The following FRMPD2 variants were observed in gnomAD, a reference collection of about 807,000 sequenced individuals.
FRMPD2 encodes FERM and PDZ domain containing 2.
Under a neutral mutation model 140.1 loss-of-function variants are expected in FRMPD2, and 96 were observed. The observed-to-expected ratio is 0.69, with a 90% CI of 0.58 to 0.81. The LOEUF (loss-of-function observed/expected upper bound fraction) is 0.81. FRMPD2 is among the 40% of genes least tolerant of loss of function. The pLI is 0.00. For synonymous variants in FRMPD2, 449 were observed against 547.6 expected (o/e 0.82, Z 2.52); for missense variants, 1,240 against 1,447.4 (o/e 0.86, Z 2.32).
At chr10:48,210,847 A>G (rs1019696800) in intron 13 of FRMPD2, among the ~76,000 whole-genome samples, 2 of 152,266 alleles carry the variant, frequency 1.3e-5, no homozygotes, top group Non-Finnish European at 2.9e-5. Flanking sequence ...GCAAGAAAAC[A>G]CAGATGGAAT....
intron 1 of FRMPD2, among the ~76,000 whole-genome samples, chr10:48,256,270 C>G (rs938826611): frequency 1.3e-5 from 2 of 151,532 alleles, no homozygotes; most frequent in African/African-American, 4.8e-5. Flanking sequence ...GCTGCCCAGT[C>G]AATCCCCGAG....
chr10:48,222,070 A>G (rs904464424), intron 12 of FRMPD2, among the ~76,000 whole-genome samples: 2 of 151,318 alleles, frequency 1.3e-5, no homozygotes, highest in Admixed American at 1.3e-4. Context: ...GGATGGATGG[A>G]TGGAATGATA....
intron 15 of FRMPD2, among the ~76,000 whole-genome samples, chr10:48,194,623 G>A (rs557144128): frequency 1.3e-5 from 2 of 152,314 alleles, no homozygotes; most frequent in African/African-American, 4.8e-5. Flanking sequence ...AAAGTTAGCA[G>A]AGGAGAGAGA....
At chr10:48,234,501 G>T (rs1314166368) in intron 9 of FRMPD2, among the ~76,000 whole-genome samples, 1 of 152,038 alleles carries the variant, frequency 6.6e-6, no homozygotes, top group Non-Finnish European at 1.5e-5. Context: ...TGTGTACCAA[G>T]AACTCCACTT....
intron 12 of FRMPD2, among the ~76,000 whole-genome samples, chr10:48,221,544 A>T (rs889523312): frequency 1.3e-5 from 2 of 152,226 alleles, no homozygotes; most frequent in Non-Finnish European, 2.9e-5. Context: ...AAACTTATTC[A>T]TGTAACCAAA....
chr10:48,239,056 T>A (rs1840037073), intron 7 of FRMPD2, among the ~76,000 whole-genome samples: 1 of 152,192 alleles, frequency 6.6e-6, no homozygotes, highest in African/African-American at 2.4e-5. Context: ...TCTGCCATTG[T>A]CACGAGAACA....
At chr10:48,246,792 C>A (rs1216749703) in intron 3 of FRMPD2, among the ~76,000 whole-genome samples, 1 of 152,170 alleles carries the variant, frequency 6.6e-6, no homozygotes. Context: ...CCCTCATGGA[C>A]CCATGCCAAA....
At chr10:48,164,152 G>A (rs1249891922) in intron 27 of FRMPD2, among the ~76,000 whole-genome samples, 1 of 150,278 alleles carries the variant, frequency 6.7e-6, no homozygotes, top group African/African-American at 2.5e-5. Context: ...AGCCTTTTAG[G>A]TTCTGGTTTT....
chr10:48,240,076 T>C (rs1808477765), intron 6 of FRMPD2, among the ~76,000 whole-genome samples: 1 of 152,224 alleles, frequency 6.6e-6, no homozygotes, highest in Non-Finnish European at 1.5e-5. Flanking sequence ...TTTTCTTTTC[T>C]TGTTGTTTGT....
At position 48,219,095 on chromosome 10, in the gene FRMPD2, C is replaced by T. The variant is rs186846772; in HGVS notation, c.1455+3218G>A. ...CCTTGAAAGGTATATAAGGTTGAGA[C>T]GGATGTGCAGACATTATGGGAAAGG... On this transcript the variant is annotated intron_variant, in intron 12 of 28. Transcript: ENST00000374201. Among the ~76,000 whole-genome samples, 24 of 152,180 alleles carry T rather than the reference C, an allele frequency of 1.6e-4. 1 individual carries two copies. Among genetic ancestry groups the T allele is most frequent in the Admixed American group, 5.2e-4 (8 of 15,290 alleles).
chr10:48,196,467 C>G (rs996988909), intron 15 of FRMPD2, among the ~76,000 whole-genome samples: 1 of 152,188 alleles, frequency 6.6e-6, no homozygotes. Flanking sequence ...GTTGGGTTCC[C>G]CCAGCTTTGA....
At chr10:48,260,914 T>C (rs73296379) in intron 1 of FRMPD2, among the ~76,000 whole-genome samples, 6,477 of 152,182 alleles carry the variant, frequency 0.043, 458 homozygotes, top group African/African-American at 0.15. Flanking sequence ...GATGCAAGAA[T>C]AGATGGGTAA....
chr10:48,183,077 G>A (rs1208745519), intron 20 of FRMPD2, among the ~76,000 whole-genome samples: 1 of 152,210 alleles, frequency 6.6e-6, no homozygotes, highest in African/African-American at 2.4e-5. Context: ...TTCTGGACAG[G>A]GGAGCTGCAT....
intron 1 of FRMPD2, among the ~76,000 whole-genome samples, chr10:48,263,616 G>T (rs1266326885): frequency 6.6e-6 from 1 of 152,094 alleles, no homozygotes; most frequent in Non-Finnish European, 1.5e-5. Flanking sequence ...GATCATCTAA[G>T]TATGCCTATA....
chr10:48,202,914 C>G (rs1258380784), intron 14 of FRMPD2, among the ~76,000 whole-genome samples: 1 of 152,096 alleles, frequency 6.6e-6, no homozygotes, highest in Admixed American at 6.5e-5. Context: ...AATCCTCGCA[C>G]CTCAGCCTCC....
At chr10:48,213,493 T>A (rs1289412190) in intron 12 of FRMPD2, among the ~76,000 whole-genome samples, 3 of 152,082 alleles carry the variant, frequency 2.0e-5, no homozygotes, top group African/African-American at 7.2e-5. Flanking sequence ...CCAAAAGGAG[T>A]TGAGAACTTA....
rs1003292791 is a variant in FRMPD2 at position 48,213,960 on chromosome 10, G to A, written c.1456-1851C>T. ...CGGGAGCCAGGAAGAAAATGAACTCGGGGCACATAGCACCTGCTCCAAGAA... is the reference window on the plus strand; with the variant it reads ...CGGGAGCCAGGAAGAAAATGAACTCAGGGCACATAGCACCTGCTCCAAGAA... On this transcript the variant is annotated intron_variant, in intron 12 of 28. Coordinates refer to ENST00000374201, the MANE Select transcript of FRMPD2 (RefSeq NM_001018071.4). 5.9e-5 allele frequency among the ~76,000 whole-genome samples: 9 copies of A among 152,084 alleles called. No individual in the cohort carries two copies. In the South Asian group the frequency reaches 6.2e-4, roughly 11 times the overall value.
chr10:48,184,621 A>G lies in FRMPD2; in HGVS notation c.2529T>C (p.Val843=). 1.9e-6 allele frequency: 3 copies of G among 1,613,732 alleles called. No homozygotes were observed. The highest frequency in any genetic ancestry group is 2.5e-6 in the Non-Finnish European group (3 of 1,179,604). ...SLEGFTFNMA[V]RMIQNSPDNI... is the part of the protein sequence containing the mutation. The stretch of plus-strand genomic sequence containing the variant: ...TGTCAGGGGAATTCTGGATCATCCT[A>G]ACAGCCATGTTGAATGTGAAGCCCT... Residue 843 remains valine, a synonymous_variant, in exon 20 of 29, where the codon GTT becomes GTC. Coordinates refer to ENST00000374201, the MANE Select transcript of FRMPD2 (RefSeq NM_001018071.4).
At position 48,265,319 on chromosome 10, in the gene FRMPD2, T is replaced by C. The variant is rs543929710; in HGVS notation, c.25+9224A>G. Among the ~76,000 whole-genome samples the C allele has an allele frequency of 4.6e-5, 7 of 152,158 alleles. 1 individual carries two copies. In the South Asian group the frequency reaches 1.5e-3, roughly 32 times the overall value. On this transcript the variant is annotated intron_variant, in intron 1 of 28. Coordinates refer to ENST00000374201, the MANE Select transcript of FRMPD2 (RefSeq NM_001018071.4). ...ACACAGGCACTGGCAAAGATTTTAT[T>C]ACGATGATGTCAAAAGCAATTGCAA...
Sources: allele counts gnomAD v4.1 joint callset (sites outside exome capture counted in the v4.1 genomes callset), GRCh38; gene constraint gnomAD v4.1.1; transcripts MANE v1.5; gene names NCBI Gene and HGNC (gene_info 2026-07-23, HGNC 2026-07-21).